Variants in DNAH14 observed in about 807,000 individuals in gnomAD.
DNAH14 encodes the protein axonemal beta dynein heavy chain 14.
In DNAH14, 478 loss-of-function variants were observed where a neutral mutation model predicts 520.9. The ratio of observed to expected loss-of-function variants is 0.92; its 90% CI spans 0.85 to 0.99. The LOEUF (loss-of-function observed/expected upper bound fraction) is 0.99, where lower values mean the gene tolerates loss of function less well. Among genes scored for constraint, DNAH14 ranks in the 50% least tolerant of loss-of-function variants. The pLI is 0.00. For synonymous variants in DNAH14, 1,581 were observed against 1,757.2 expected (o/e 0.90, Z 2.51); for missense variants, 4,831 against 5,234.5 (o/e 0.92, Z 2.38).
chr1:225,347,228 C>T (rs1358984772), intron 71 of DNAH14, among the ~76,000 whole-genome samples: 3 of 152,120 alleles, frequency 2.0e-5, no homozygotes, highest in African/African-American at 7.2e-5. Flanking sequence ...ATGCTATAGG[C>T]TCCCTTCCTT....
At chr1:224,991,118 G>A (rs1432352658) in intron 8 of DNAH14, among the ~76,000 whole-genome samples, 11 of 93,088 alleles carry the variant, frequency 1.2e-4, no homozygotes, top group East Asian at 5.8e-4. Flanking sequence ...TTTTTGAGAC[G>A]GAGTCTTCCT....
At chr1:225,061,762 G>C (rs1323260916) in intron 17 of DNAH14, among the ~76,000 whole-genome samples, 4 of 152,076 alleles carry the variant, frequency 2.6e-5, no homozygotes, top group African/African-American at 9.7e-5. Context: ...AGGATTATAG[G>C]CACAAGCCAC....
intron 84 of DNAH14, chr1:225,397,317 A>C (rs2096027056): frequency 6.6e-6 from 1 of 152,552 alleles, no homozygotes; most frequent in East Asian, 1.9e-4. Flanking sequence ...GAAGTGCTTA[A>C]TATGAGTTCA....
chr1:225,000,516 C>A (rs1354337021), intron 8 of DNAH14, among the ~76,000 whole-genome samples: 2 of 150,830 alleles, frequency 1.3e-5, no homozygotes, highest in Admixed American at 6.6e-5. Flanking sequence ...GGACTTCAGA[C>A]ACAAATGCTA....
intron 74 of DNAH14, among the ~76,000 whole-genome samples, chr1:225,359,611 C>T (rs927559405): frequency 6.6e-6 from 1 of 152,150 alleles, no homozygotes; most frequent in African/African-American, 2.4e-5. Context: ...TCTGGAGTGC[C>T]TCCACCTGGA....
chr1:225,358,376 G>C (rs2095455616), intron 73 of DNAH14, 120 bp from the exon 74 acceptor site: 2 of 912,262 alleles, frequency 2.2e-6, no homozygotes, highest in East Asian at 2.8e-5. Context: ...TCCTCAACAG[G>C]AAAACTCTGG....
At position 225,043,133 on chromosome 1, in the gene DNAH14, T is replaced by C. The variant is rs1157349071; in HGVS notation, c.1768+19T>C. ...ATTTCAGGTAAGACAATTGAGACTA[T>C]AAAGAATGAGGGGTTGCCAGGTGTG... On this transcript the variant is annotated intron_variant, in intron 13 of 85. Transcript: ENST00000682510. The C allele has an allele frequency of 6.5e-7, 1 of 1,539,460 alleles. No homozygotes were observed. The highest frequency in any genetic ancestry group is 1.2e-5 in the South Asian group (1 of 81,832).
intron 17 of DNAH14, among the ~76,000 whole-genome samples, chr1:225,075,920 A>G (rs2072212126): frequency 6.6e-6 from 1 of 152,044 alleles, no homozygotes; most frequent in Non-Finnish European, 1.5e-5. Context: ...GCCTATCCAG[A>G]TATTCTGGTG....
chr1:225,289,845 G>A (rs1011388243), intron 54 of DNAH14, 40 bp from the exon 55 acceptor site: 9 of 1,254,654 alleles, frequency 7.2e-6, no homozygotes, highest in Non-Finnish European at 9.2e-6. Flanking sequence ...AAGATTCCCA[G>A]AAAATGTATG....
chr1:225,285,269 C>T (rs35461387), intron 54 of DNAH14, among the ~76,000 whole-genome samples: 13,577 of 152,234 alleles, frequency 0.089, 828 homozygotes, highest in Middle Eastern at 0.14. Context: ...AATAAACAGG[C>T]CAGGCATGGT....
intron 28 of DNAH14, 77 bp from the exon 29 acceptor site, chr1:225,144,320 T>C: frequency 8.9e-7 from 1 of 1,120,984 alleles, no homozygotes; most frequent in South Asian, 1.6e-5. Flanking sequence ...TTTTTAATCT[T>C]GATTCTTTTT....
intron 81 of DNAH14, among the ~76,000 whole-genome samples, chr1:225,386,723 C>G (rs2095845907): frequency 1.3e-5 from 2 of 152,158 alleles, no homozygotes; most frequent in Admixed American, 1.3e-4. Context: ...ATTAAAAAGT[C>G]AGGAAACAAC....
In DNAH14 at chr1:225,079,365, C is replaced by T. The variant is rs1486215728; in HGVS notation, c.2583C>T (p.His861=). 1.9e-6 allele frequency: 3 copies of T among 1,550,680 alleles called. No individual in the cohort carries two copies. The highest frequency in any genetic ancestry group is 2.4e-5 in the East Asian group (1 of 40,846). Residue 861 remains histidine, a synonymous_variant, in exon 18 of 86, where the codon CAC becomes CAT. Coordinates refer to ENST00000682510, the MANE Select transcript of DNAH14 (RefSeq NM_001367479.1). ...MSQLYSVAKH[H]QIHISEEQIA... is the part of the protein sequence containing the mutation. Reference sequence around the variant, plus strand: ...AGCTATATTCTGTTGCAAAGCATCACCAGATCCATATTTCAGAAGAGCAAA... The same window carrying T: ...AGCTATATTCTGTTGCAAAGCATCATCAGATCCATATTTCAGAAGAGCAAA...
chr1:225,125,911 G>A (rs892537014), intron 27 of DNAH14, among the ~76,000 whole-genome samples: 1 of 152,156 alleles, frequency 6.6e-6, no homozygotes, highest in Non-Finnish European at 1.5e-5. Context: ...AACACTTAGA[G>A]ACCATTGTAA....
intron 41 of DNAH14, 70 bp from the exon 42 acceptor site, chr1:225,231,000 TAAA>T: frequency 1.9e-6 from 2 of 1,031,984 alleles, no homozygotes; most frequent in Non-Finnish European, 2.9e-6. Context: ...TGTTAAAGGT[TAAA>T]CCTCATTAGT....
At chr1:225,124,152 G>T (rs548516095) in intron 27 of DNAH14, among the ~76,000 whole-genome samples, 1 of 152,302 alleles carries the variant, frequency 6.6e-6, no homozygotes, top group Admixed American at 6.5e-5. Context: ...AATCATCTGA[G>T]CCTTCAGCAA....
In DNAH14 at chr1:225,346,125, C is replaced by G; in HGVS notation, c.10842C>G (p.Tyr3614Ter). 6.4e-7 allele frequency: 1 copy of G among 1,551,718 alleles called. No individual in the cohort carries two copies. The highest frequency in any genetic ancestry group is 2.4e-5 in the East Asian group (1 of 40,922). ...LPIATRGALL[Y>*]FLVADLTQIN... ...TTGCGACCCGAGGCGCCCTGCTCTA[C>G]TTCCTAGTAGCTGATCTCACACAAA... is the stretch of plus-strand genomic sequence containing the variant. The change falls in exon 70 of 86, where the codon TAC (tyrosine) becomes TAG (stop). Residue 3614 changes from tyrosine to a stop codon, truncating the protein, a stop_gained. Transcript: ENST00000682510. LOFTEE classifies it high-confidence loss of function.
chr1:225,168,151 A>T (rs1422535661), intron 36 of DNAH14, 123 bp downstream of exon 36: 4 of 622,204 alleles, frequency 6.4e-6, no homozygotes, highest in African/African-American at 3.9e-5. Flanking sequence ...AATTAAAGTC[A>T]TTTATTAATT....
At chr1:224,934,897 C>T (rs2058929514) in intron 1 of DNAH14, among the ~76,000 whole-genome samples, 1 of 151,330 alleles carries the variant, frequency 6.6e-6, no homozygotes, top group Admixed American at 6.6e-5. Context: ...GAAAAAAATG[C>T]CAACCGAGAA....
Sources: allele counts gnomAD v4.1 joint callset (sites outside exome capture counted in the v4.1 genomes callset), GRCh38; gene constraint gnomAD v4.1.1; transcripts MANE v1.5; gene names NCBI Gene and HGNC (gene_info 2026-07-23, HGNC 2026-07-21).